ZNG1A: variants seen among roughly 807,000 people sequenced by gnomAD.
ZNG1A encodes the protein Zn regulated GTPase metalloprotein activator 1A, also known as zinc-regulated GTPase metalloprotein activator 1A.
At chr9:129,770 A>G in the ZNG1A span, among the ~76,000 whole-genome samples, 1 of 93,254 alleles carries the variant, frequency 1.1e-5, no homozygotes, top group African/African-American at 2.8e-5. Flanking sequence ...TAACAATACT[A>G]TATTGTACCC....
the ZNG1A span, chr9:123,752 T>G: frequency 2.1e-6 from 1 of 484,340 alleles, no homozygotes; most frequent in African/African-American, 2.0e-5. Context: ...CATTCTTTCG[T>G]GGATTCTCAG....
the ZNG1A span, among the ~76,000 whole-genome samples, chr9:138,541 G>GAAA: frequency 7.1e-6 from 1 of 140,110 alleles, no homozygotes; most frequent in African/African-American, 2.7e-5. Context: ...ACTGAAGGTG[G>GAAA]AAAAAAAAAA....
chr9:168,267 A>G, the ZNG1A span, among the ~76,000 whole-genome samples: 6 of 149,348 alleles, frequency 4.0e-5, no homozygotes, highest in Admixed American at 4.0e-4. Flanking sequence ...TTATTTATTT[A>G]TTTTGAGATG....
At chr9:127,762 T>C in the ZNG1A span, among the ~76,000 whole-genome samples, 11 of 152,198 alleles carry the variant, frequency 7.2e-5, no homozygotes, top group African/African-American at 2.7e-4. Flanking sequence ...GTTTTTGTTG[T>C]TTTTCTAATT....
chr9:168,338 C>T, the ZNG1A span, among the ~76,000 whole-genome samples: 2 of 152,022 alleles, frequency 1.3e-5, no homozygotes, highest in African/African-American at 2.4e-5. Context: ...CTGCCACCTC[C>T]GTCTCCCGGG....
At chr9:154,975 G>A in the ZNG1A span, among the ~76,000 whole-genome samples, 9 of 152,096 alleles carry the variant, frequency 5.9e-5, no homozygotes, top group Non-Finnish European at 8.8e-5. Flanking sequence ...CTCCTAATCC[G>A]CTAATTTTTC....
At chr9:143,615 T>A in the ZNG1A span, among the ~76,000 whole-genome samples, 1 of 127,232 alleles carries the variant, frequency 7.9e-6, no homozygotes, top group Non-Finnish European at 1.6e-5. Context: ...ACTGGAAGCA[T>A]TCCCTTTGAA....
chr9:156,133 A>AT, the ZNG1A span, among the ~76,000 whole-genome samples: 248 of 92,382 alleles, frequency 2.7e-3, 1 homozygote, highest in Non-Finnish European at 4.1e-3. Flanking sequence ...TCAAAAAATA[A>AT]TAATTATTAT....
chr9:154,666 C>A, the ZNG1A span: 3 of 1,419,430 alleles, frequency 2.1e-6, no homozygotes, highest in African/African-American at 4.2e-5. Flanking sequence ...TCTGTGTATA[C>A]AACATGGATC....
chr9:120,958 T>C, the ZNG1A span: 30 of 164,604 alleles, frequency 1.8e-4, no homozygotes, highest in Non-Finnish European at 3.7e-4. Flanking sequence ...CAGTATGAAA[T>C]GGGGGAAAAG....
the ZNG1A span, chr9:123,820 G>C: frequency 5.2e-6 from 1 of 191,160 alleles, no homozygotes; most frequent in Admixed American, 5.4e-5. Flanking sequence ...AGGTACTTTT[G>C]CCTGAGTCAC....
the ZNG1A span, among the ~76,000 whole-genome samples, chr9:168,787 T>G: frequency 6.7e-6 from 1 of 149,808 alleles, no homozygotes; most frequent in Admixed American, 6.6e-5. Flanking sequence ...CTGTTTTCTA[T>G]AAATAATAAA....
At chr9:163,726 G>T in the ZNG1A span, among the ~76,000 whole-genome samples, 3 of 151,614 alleles carry the variant, frequency 2.0e-5, no homozygotes. Flanking sequence ...AGACCAGTCA[G>T]GCCAACATGG....
chr9:142,783 T>C, the ZNG1A span, among the ~76,000 whole-genome samples: 1 of 142,564 alleles, frequency 7.0e-6, no homozygotes, highest in Non-Finnish European at 1.5e-5. Flanking sequence ...TCAACAAAAT[T>C]GATAGACCGC....
the ZNG1A span, chr9:150,672 T>C: frequency 9.2e-6 from 9 of 982,420 alleles, 1 homozygote; most frequent in Non-Finnish European, 1.1e-5. Context: ...TTTTAGTCAC[T>C]TGCTCACTCA....
chr9:147,173 C>A, the ZNG1A span: 1 of 74,892 alleles, frequency 1.3e-5, no homozygotes, highest in Admixed American at 1.5e-4. Flanking sequence ...GAGACTCCGC[C>A]TCAAAAGAAA....
chr9:143,758 C>T, the ZNG1A span, among the ~76,000 whole-genome samples: 12 of 116,572 alleles, frequency 1.0e-4, no homozygotes, highest in African/African-American at 1.5e-4. Context: ...TCAAATTGTC[C>T]CTGTTTGCAG....
At chr9:173,822 T>G in the ZNG1A span, among the ~76,000 whole-genome samples, 1 of 152,180 alleles carries the variant, frequency 6.6e-6, no homozygotes, top group Non-Finnish European at 1.5e-5. Flanking sequence ...CTGCTGAATA[T>G]TCCCAATGAG....
chr9:177,781 G>A, the ZNG1A span: 1 of 1,536,640 alleles, frequency 6.5e-7, no homozygotes, highest in African/African-American at 1.4e-5. Flanking sequence ...TTTTGGACAA[G>A]AAATTTGTTC....
Sources: gnomAD v4.1 joint callset for allele counts (sites outside exome capture counted in the v4.1 genomes callset) on GRCh38, gnomAD v4.1.1 for gene constraint, MANE v1.5 for transcripts, NCBI Gene and HGNC (gene_info 2026-07-23, HGNC 2026-07-21) for gene names.